Variants in MAPK10 observed in about 807,000 individuals in gnomAD.
The protein encoded by MAPK10 is mitogen-activated protein kinase 10.
In MAPK10, 25 loss-of-function variants were observed where a neutral mutation model predicts 59.3. That is an observed-to-expected ratio of 0.42 (90% CI 0.31 to 0.59). MAPK10 has a LOEUF of 0.59. Among genes scored for constraint, MAPK10 ranks in the 20% least tolerant of loss-of-function variants. The pLI is 0.15. For synonymous variants in MAPK10, 190 were observed against 200.5 expected (o/e 0.95, Z 0.44); for missense variants, 351 against 568.9 (o/e 0.62, Z 3.90).
chr4:86,295,140 G>A (rs1208784871), intron 2 of MAPK10, among the ~76,000 whole-genome samples: 3 of 152,118 alleles, frequency 2.0e-5, no homozygotes, highest in Non-Finnish European at 2.9e-5. Context: ...TACGTGTTAG[G>A]ACACAGCCCG....
intron 2 of MAPK10, among the ~76,000 whole-genome samples, chr4:86,205,565 A>T (rs2083624061): frequency 6.6e-6 from 1 of 152,132 alleles, no homozygotes; most frequent in East Asian, 1.9e-4. Context: ...CAGGTGAAAA[A>T]TTTTAAAAAT....
intron 2 of MAPK10, among the ~76,000 whole-genome samples, chr4:86,309,628 G>T (rs963267576): frequency 1.3e-5 from 2 of 152,076 alleles, no homozygotes; most frequent in Admixed American, 1.3e-4. Flanking sequence ...AATTAGTCTC[G>T]ATTCAATTCC....
At chr4:86,275,611 A>C (rs2094552681) in intron 2 of MAPK10, among the ~76,000 whole-genome samples, 1 of 152,062 alleles carries the variant, frequency 6.6e-6, no homozygotes, top group South Asian at 2.1e-4. Context: ...GTGCAAACAT[A>C]ATTGTGGTTT....
intron 11 of MAPK10, among the ~76,000 whole-genome samples, chr4:86,044,950 G>A (rs6810413): frequency 0.46 from 70,543 of 151,970 alleles, 17,326 homozygotes; most frequent in African/African-American, 0.63. Flanking sequence ...CTTGCAATGC[G>A]AAAAGCATGG....
intron 2 of MAPK10, among the ~76,000 whole-genome samples, chr4:86,275,521 C>T (rs1456819636): frequency 6.6e-6 from 1 of 151,942 alleles, no homozygotes; most frequent in Non-Finnish European, 1.5e-5. Context: ...GAAAATTTCA[C>T]CAGCCTATGA....
Position 86,436,764 on chromosome 4 carries a change from T to C in MAPK10, c.-122+16266A>G, listed in dbSNP as rs1412873547. ...AAGATATATGAAGATAGAAAAATGA[T>C]TATTTTATATCTTCCTTCCCAATAC... On this transcript the variant is annotated intron_variant, in intron 1 of 13. Transcript: ENST00000361569. Among the ~76,000 whole-genome samples the C allele has an allele frequency of 2.0e-5, 3 of 152,166 alleles. No individual in the cohort carries two copies. In the East Asian group the frequency reaches 5.8e-4, roughly 29 times the overall value.
chr4:86,466,734 A>G (rs1258011120), intron 1 of MAPK10, among the ~76,000 whole-genome samples: 2 of 152,212 alleles, frequency 1.3e-5, no homozygotes, highest in African/African-American at 2.4e-5. Context: ...CAGCATGAAA[A>G]GCACACAGAA....
At chr4:86,584,645 G>A (rs547038695) in intron 1 of MAPK10, among the ~76,000 whole-genome samples, 3 of 152,188 alleles carry the variant, frequency 2.0e-5, no homozygotes, top group Non-Finnish European at 4.4e-5. Context: ...GGGTCTACAG[G>A]CTGTTGCCCA....
intron 2 of MAPK10, among the ~76,000 whole-genome samples, chr4:86,294,812 C>T (rs368282404): frequency 1.3e-5 from 2 of 152,156 alleles, no homozygotes; most frequent in African/African-American, 4.8e-5. Flanking sequence ...AGAGAAAGAG[C>T]TCCGGAAACC....
At chr4:86,289,372 T>C (rs2095144311) in intron 2 of MAPK10, among the ~76,000 whole-genome samples, 1 of 152,082 alleles carries the variant, frequency 6.6e-6, no homozygotes, top group Non-Finnish European at 1.5e-5. Flanking sequence ...AAAAATTATA[T>C]GATCAGATTT....
intron 1 of MAPK10, among the ~76,000 whole-genome samples, chr4:86,378,532 C>T (rs1740172857): frequency 6.6e-6 from 1 of 152,170 alleles, no homozygotes; most frequent in Admixed American, 6.5e-5. Context: ...TCTGTCTCCC[C>T]CTCTAAAATG....
intron 4 of MAPK10, among the ~76,000 whole-genome samples, chr4:86,126,689 A>G (rs1263096672): frequency 1.3e-5 from 2 of 152,114 alleles, no homozygotes; most frequent in Non-Finnish European, 2.9e-5. Context: ...ATAAGTATAC[A>G]TATTTATATA....
intron 9 of MAPK10, among the ~76,000 whole-genome samples, chr4:86,085,345 C>T (rs924304100): frequency 1.3e-5 from 2 of 152,090 alleles, no homozygotes; most frequent in Non-Finnish European, 2.9e-5. Context: ...GCAAACTACT[C>T]ATCTGACAAG....
At chr4:86,303,682 G>A (rs1246411512) in intron 2 of MAPK10, among the ~76,000 whole-genome samples, 2 of 152,072 alleles carry the variant, frequency 1.3e-5, no homozygotes, top group Admixed American at 1.3e-4. Context: ...AGTTAGAAAA[G>A]GCATGTACTA....
At chr4:86,091,712 T>G (rs2053222680) in intron 9 of MAPK10, among the ~76,000 whole-genome samples, 1 of 151,896 alleles carries the variant, frequency 6.6e-6, no homozygotes, top group Non-Finnish European at 1.5e-5. Context: ...TCTAGCTCTG[T>G]CACTAGACTG....
At chr4:86,431,795 G>C (rs554841861) in intron 1 of MAPK10, among the ~76,000 whole-genome samples, 3 of 152,120 alleles carry the variant, frequency 2.0e-5, no homozygotes, top group Non-Finnish European at 4.4e-5. Flanking sequence ...AGAAACATGT[G>C]CATTCGCATT....
intron 2 of MAPK10, among the ~76,000 whole-genome samples, chr4:86,227,480 C>T (rs1354626819): frequency 1.8e-4 from 25 of 136,648 alleles, no homozygotes; most frequent in Non-Finnish European, 3.4e-4. Context: ...GAGCGAGACT[C>T]CCTCTAAAAA....
chr4:86,089,361 T>C (rs1375493572), intron 9 of MAPK10: 3 of 879,804 alleles, frequency 3.4e-6, no homozygotes, highest in Admixed American at 4.0e-5. Context: ...ACTCATGCCA[T>C]AGAGCAATAG....
chr4:86,040,414 C>G (rs1047658637), intron 11 of MAPK10, among the ~76,000 whole-genome samples: 3 of 151,660 alleles, frequency 2.0e-5, no homozygotes, highest in Non-Finnish European at 4.4e-5. Context: ...GAATTTGTAG[C>G]CTTGAAGACA....
Sources: gnomAD v4.1 joint callset for allele counts (sites outside exome capture counted in the v4.1 genomes callset) on GRCh38, gnomAD v4.1.1 for gene constraint, MANE v1.5 for transcripts, NCBI Gene and HGNC (gene_info 2026-07-23, HGNC 2026-07-21) for gene names.